STK32B: variants seen among roughly 807,000 people sequenced by gnomAD.
STK32B encodes the protein serine/threonine-protein kinase 32B.
Under a neutral mutation model 52.6 loss-of-function variants are expected in STK32B, and 43 were observed. The observed-to-expected ratio is 0.82, with a 90% CI of 0.64 to 1.05. The LOEUF (loss-of-function observed/expected upper bound fraction) is 1.05, where lower values mean the gene tolerates loss of function less well. Ranked by LOEUF, STK32B falls within the 50% of genes least tolerant of loss-of-function variation. The probability of loss-of-function intolerance (pLI) is 0.00; values close to 1 mark genes in which losing one functional copy is unlikely to be tolerated. For missense variants in STK32B, 621 were observed against 534.6 expected, an observed-to-expected ratio of 1.16 and a Z score of -1.59; for synonymous variants, 238 against 204.3, an observed-to-expected ratio of 1.17 and a Z score of -1.41.
At chr4:5,410,636 C>T (rs961204418) in intron 5 of STK32B, among the ~76,000 whole-genome samples, 9 of 152,108 alleles carry the variant, frequency 5.9e-5, no homozygotes, top group Admixed American at 5.9e-4. Flanking sequence ...CAGCCAGGCT[C>T]GAATTCCTTT....
At chr4:5,441,374 T>C (rs1342393688) in intron 6 of STK32B, among the ~76,000 whole-genome samples, 2 of 150,898 alleles carry the variant, frequency 1.3e-5, no homozygotes, top group East Asian at 4.0e-4. Flanking sequence ...TTCTTCTAGA[T>C]TTTCTAGTTT....
chr4:5,429,691 T>C (rs952801069), intron 6 of STK32B, among the ~76,000 whole-genome samples: 1 of 152,166 alleles, frequency 6.6e-6, no homozygotes, highest in Non-Finnish European at 1.5e-5. Flanking sequence ...TTCAATTTTC[T>C]AGCTGTTATT....
intron 3 of STK32B, among the ~76,000 whole-genome samples, chr4:5,293,719 T>G (rs988164517): frequency 1.3e-5 from 2 of 152,134 alleles, no homozygotes; most frequent in Non-Finnish European, 2.9e-5. Flanking sequence ...TTGCAAAAAT[T>G]TTCTCCCATT....
chr4:5,352,617 T>G (rs13148747), intron 4 of STK32B, among the ~76,000 whole-genome samples: 3 of 85,986 alleles, frequency 3.5e-5, no homozygotes, highest in South Asian at 3.5e-4. Context: ...GAGAAAGAAA[T>G]AAAAAAAAAA....
chr4:5,495,379 G>T (rs1720133509), intron 11 of STK32B, among the ~76,000 whole-genome samples: 1 of 152,078 alleles, frequency 6.6e-6, no homozygotes, highest in Non-Finnish European at 1.5e-5. Flanking sequence ...GGCTCCTGAG[G>T]CTTCTGCATT....
intron 3 of STK32B, among the ~76,000 whole-genome samples, chr4:5,301,139 A>G (rs1729525268): frequency 6.6e-6 from 1 of 152,058 alleles, no homozygotes; most frequent in Non-Finnish European, 1.5e-5. Context: ...CTACTTGCTC[A>G]TGATGTATAA....
At chr4:5,421,091 GTTT>G (rs1712608060) in intron 6 of STK32B, among the ~76,000 whole-genome samples, 1 of 149,604 alleles carries the variant, frequency 6.7e-6, no homozygotes, top group Non-Finnish European at 1.5e-5. Context: ...TTTTGTTTTT[GTTT>G]TTGTTTTTGT....
chr4:5,215,810 T>C (rs1307103139), intron 3 of STK32B, among the ~76,000 whole-genome samples: 1 of 152,194 alleles, frequency 6.6e-6, no homozygotes, highest in Admixed American at 6.5e-5. Context: ...TCACCTTGCC[T>C]GACTCAGGAC....
At chr4:5,238,316 T>C (rs769976619) in intron 3 of STK32B, among the ~76,000 whole-genome samples, 10 of 152,084 alleles carry the variant, frequency 6.6e-5, no homozygotes, top group Non-Finnish European at 1.2e-4. Flanking sequence ...GGGATGACTG[T>C]AATGTCTGCC....
At chr4:5,192,991 C>T (rs956933296) in intron 3 of STK32B, among the ~76,000 whole-genome samples, 2 of 152,212 alleles carry the variant, frequency 1.3e-5, no homozygotes, top group Non-Finnish European at 2.9e-5. Context: ...CTTCTTCCTC[C>T]TGTCGGCAAT....
Position 5,398,713 on chromosome 4 carries a change from T to C in STK32B, c.472+469T>C, listed in dbSNP as rs1369213861. 6.6e-6 allele frequency among the ~76,000 whole-genome samples: 1 copy of C among 152,198 alleles called. No homozygotes were observed. Among genetic ancestry groups the C allele is most frequent in the African/African-American group, 2.4e-5 (1 of 41,430 alleles). ...TTAATACTTGATAATCCACTAAGCA[T>C]TTACTCATCTATCGGCTATGTCAGG... is the stretch of plus-strand genomic sequence containing the variant. On this transcript the variant is annotated intron_variant, in intron 5 of 11. Transcript: ENST00000282908. The surrounding 1 kb of genome is among the most constrained non-coding windows in gnomAD (Gnocchi z 4.9).
At chr4:5,358,249 C>T (rs1016829719) in intron 4 of STK32B, among the ~76,000 whole-genome samples, 7 of 152,126 alleles carry the variant, frequency 4.6e-5, no homozygotes, top group African/African-American at 1.4e-4. Flanking sequence ...CGTAAGTTAA[C>T]GTCAGAGAAA....
intron 3 of STK32B, among the ~76,000 whole-genome samples, chr4:5,218,799 G>A (rs1396607829): frequency 6.6e-6 from 1 of 152,210 alleles, no homozygotes; most frequent in Non-Finnish European, 1.5e-5. Flanking sequence ...ACGGTCAAGT[G>A]TTCTCCTGCT....
At chr4:5,247,213 G>A (rs59402571) in intron 3 of STK32B, among the ~76,000 whole-genome samples, 10,965 of 152,208 alleles carry the variant, frequency 0.072, 577 homozygotes, top group African/African-American at 0.15. Flanking sequence ...AGCTGTGGTC[G>A]GCTCCACCCA....
chr4:5,237,290 G>A (rs1255861383), intron 3 of STK32B, among the ~76,000 whole-genome samples: 2 of 152,210 alleles, frequency 1.3e-5, no homozygotes, highest in Non-Finnish European at 2.9e-5. Flanking sequence ...TTTCCTGGGT[G>A]GGACATTGTG....
At chr4:5,497,119 C>A (rs1181298987) in intron 11 of STK32B, among the ~76,000 whole-genome samples, 1 of 152,114 alleles carries the variant, frequency 6.6e-6, no homozygotes, top group African/African-American at 2.4e-5. Context: ...ATTTTATAGT[C>A]ATGGTATTTT....
intron 3 of STK32B, among the ~76,000 whole-genome samples, chr4:5,299,936 C>G (rs1447267076): frequency 6.6e-6 from 1 of 152,092 alleles, no homozygotes; most frequent in Non-Finnish European, 1.5e-5. Flanking sequence ...CCAACTCATT[C>G]TATGAAACTA....
intron 3 of STK32B, among the ~76,000 whole-genome samples, chr4:5,269,860 C>G (rs1413606009): frequency 6.6e-6 from 1 of 151,752 alleles, no homozygotes; most frequent in Non-Finnish European, 1.5e-5. Flanking sequence ...GGAACAGATA[C>G]AAAAATTCTT....
In STK32B at chr4:5,395,097, C is replaced by T. The variant is rs1291126931; in HGVS notation, c.435-3110C>T. Among the ~76,000 whole-genome samples the T allele has an allele frequency of 6.6e-6, 1 of 152,170 alleles. No individual in the cohort carries two copies. The highest frequency in any genetic ancestry group is 6.5e-5 in the Admixed American group (1 of 15,282). On this transcript the variant is annotated intron_variant, in intron 4 of 11. Coordinates refer to ENST00000282908, the MANE Select transcript of STK32B (RefSeq NM_018401.3). This position sits in a 1 kb window ranked among gnomAD's most constrained non-coding sequence, Gnocchi z 4.4. ...GGACTGGGGTCCCGTTTTCTTGCTACATATAGGCCAGCGGTCACTCTTCCT... is the reference window on the plus strand; with the variant it reads ...GGACTGGGGTCCCGTTTTCTTGCTATATATAGGCCAGCGGTCACTCTTCCT...
Sources: allele counts gnomAD v4.1 joint callset (sites outside exome capture counted in the v4.1 genomes callset), GRCh38; gene constraint gnomAD v4.1.1; non-coding constraint Gnocchi (gnomAD v3.1); transcripts MANE v1.5; gene names NCBI Gene and HGNC (gene_info 2026-07-23, HGNC 2026-07-21).